The following SOX5 variants were observed in gnomAD, a reference collection of about 807,000 sequenced individuals.
SOX5 encodes SRY-box transcription factor 5.
A neutral mutation model predicts 92.0 loss-of-function variants in SOX5; 9 were observed. The observed-to-expected ratio is 0.10, with a 90% confidence interval of 0.06 to 0.17. The LOEUF (loss-of-function observed/expected upper bound fraction) is 0.17. SOX5 is among the 10% of genes least tolerant of loss of function. The probability of loss-of-function intolerance (pLI) is 1.00; values close to 1 mark genes in which losing one functional copy is unlikely to be tolerated. For synonymous variants in SOX5, 344 were observed against 336.3 expected, an observed-to-expected ratio of 1.02 and a Z score of -0.25; for missense variants, 642 against 944.5, an observed-to-expected ratio of 0.68 and a Z score of 4.20.
chr12:24,114,438 G>T (rs915706720), intron 4 of SOX5, among the ~76,000 whole-genome samples: 2 of 151,332 alleles, frequency 1.3e-5, no homozygotes, highest in African/African-American at 4.9e-5. Flanking sequence ...TTAGCTGAGT[G>T]TGATGGTGTG....
intron 4 of SOX5, among the ~76,000 whole-genome samples, chr12:24,058,521 C>G (rs967921963): frequency 1.3e-5 from 2 of 152,090 alleles, no homozygotes; most frequent in Non-Finnish European, 2.9e-5. Flanking sequence ...CAACAGGACA[C>G]AGTAAATTTT....
At chr12:23,574,574 A>T (rs1948839204) in intron 10 of SOX5, among the ~76,000 whole-genome samples, 1 of 152,122 alleles carries the variant, frequency 6.6e-6, no homozygotes, top group African/African-American at 2.4e-5. Flanking sequence ...CTCCTTTATC[A>T]TTGTTTATTT....
rs115524721 is a variant in SOX5 at position 24,082,780 on chromosome 12, C to T, written c.-2+130563G>A. Among the ~76,000 whole-genome samples, 1,152 of 151,560 alleles carry T rather than the reference C, an allele frequency of 7.6e-3. 20 individuals are homozygous for T. Among genetic ancestry groups the T allele is most frequent in the African/African-American group, 0.026 (1,083 of 41,366 alleles). On this transcript the variant is annotated intron_variant, in intron 4 of 4. Transcript: ENST00000446891. Reference sequence around the variant, plus strand: ...GTTTTTTCTTCTCTTTAATTCAGGTCATAGTTATCTTTGCTGTTGAGATTT... The same window carrying T: ...GTTTTTTCTTCTCTTTAATTCAGGTTATAGTTATCTTTGCTGTTGAGATTT...
At chr12:23,680,947 A>C (rs1010899563) in intron 6 of SOX5, among the ~76,000 whole-genome samples, 5 of 152,186 alleles carry the variant, frequency 3.3e-5, no homozygotes, top group African/African-American at 1.2e-4. Flanking sequence ...TTCACTAAAG[A>C]AATTTCTAAA....
At chr12:24,124,521 A>T (rs1455076648) in intron 4 of SOX5, among the ~76,000 whole-genome samples, 1 of 150,886 alleles carries the variant, frequency 6.6e-6, no homozygotes, top group Non-Finnish European at 1.5e-5. Flanking sequence ...ATTACCTTCC[A>T]TTATGCAAAT....
rs1487238292 is a variant in SOX5 at position 23,596,707 on chromosome 12, A to C, written c.1164+7680T>G. 2.6e-5 allele frequency among the ~76,000 whole-genome samples: 4 copies of C among 152,160 alleles called. No individual in the cohort carries two copies. The East Asian group carries it at 7.7e-4, about 29-fold the overall frequency. On this transcript the variant is annotated intron_variant, in intron 9 of 14. Coordinates refer to ENST00000451604, the MANE Select transcript of SOX5 (RefSeq NM_006940.6). ...GTCAAAATTATAAATGATTCCCCCC[A>C]AAAAAGAGTAACTACAGAAACGTAC...
chr12:23,960,202 A>G (rs1946733662), intron 4 of SOX5, among the ~76,000 whole-genome samples: 1 of 152,026 alleles, frequency 6.6e-6, no homozygotes. Context: ...CAGAGCCCAC[A>G]TATGTTTACA....
chr12:24,431,828 T>C (rs766203145), intron 1 of SOX5, among the ~76,000 whole-genome samples: 7 of 152,190 alleles, frequency 4.6e-5, no homozygotes, highest in Non-Finnish European at 1.0e-4. Flanking sequence ...AATTAAGGTA[T>C]CTTGGTAGTT....
At chr12:23,672,635 C>CT (rs1351618355) in intron 6 of SOX5, among the ~76,000 whole-genome samples, 1 of 151,986 alleles carries the variant, frequency 6.6e-6, no homozygotes, top group Non-Finnish European at 1.5e-5. Flanking sequence ...TTCAGGGCAA[C>CT]TGTCATTTCT....
intron 4 of SOX5, among the ~76,000 whole-genome samples, chr12:23,993,734 A>G (rs908595228): frequency 2.0e-5 from 3 of 152,172 alleles, no homozygotes; most frequent in African/African-American, 7.2e-5. Flanking sequence ...ATATGAAAAA[A>G]TGTTTCTGGC....
At chr12:24,151,908 G>C (rs1951696611) in intron 4 of SOX5, among the ~76,000 whole-genome samples, 1 of 151,990 alleles carries the variant, frequency 6.6e-6, no homozygotes, top group Admixed American at 6.6e-5. Context: ...TATTTCTCAA[G>C]ACCATATAAA....
intron 1 of SOX5, among the ~76,000 whole-genome samples, chr12:23,943,221 T>G (rs1445749294): frequency 6.6e-6 from 1 of 151,906 alleles, no homozygotes; most frequent in Non-Finnish European, 1.5e-5. Flanking sequence ...ATACCCACTT[T>G]GAATTCCTGG....
At chr12:24,096,153 A>G (rs1945386292) in intron 4 of SOX5, among the ~76,000 whole-genome samples, 1 of 152,198 alleles carries the variant, frequency 6.6e-6, no homozygotes, top group Non-Finnish European at 1.5e-5. Context: ...GTTCTGGGGT[A>G]CATGTGCAGA....
At chr12:24,247,459 C>T (rs898452367) in intron 3 of SOX5, among the ~76,000 whole-genome samples, 1 of 151,894 alleles carries the variant, frequency 6.6e-6, no homozygotes, top group Non-Finnish European at 1.5e-5. Context: ...TGAGTTTATG[C>T]TAAGGCCCAG....
chr12:23,851,868 A>G (rs1568342966), intron 2 of SOX5, among the ~76,000 whole-genome samples: 2 of 152,116 alleles, frequency 1.3e-5, no homozygotes, highest in African/African-American at 2.4e-5. Context: ...TTAAGATTAT[A>G]TATTTTAGAT....
intron 2 of SOX5, among the ~76,000 whole-genome samples, chr12:23,870,462 ATTC>A (rs2096860735): frequency 6.6e-6 from 1 of 152,138 alleles, no homozygotes. Context: ...GGCCTTTCAA[ATTC>A]TTAACACATT....
chr12:24,057,123 C>T (rs1958209923), intron 4 of SOX5, among the ~76,000 whole-genome samples: 8 of 151,720 alleles, frequency 5.3e-5, no homozygotes, highest in Admixed American at 5.3e-4. Context: ...TTTTAATCTG[C>T]GTATCCTAGT....
At chr12:23,545,176 T>C (rs1942872737) in intron 12 of SOX5, among the ~76,000 whole-genome samples, 1 of 152,144 alleles carries the variant, frequency 6.6e-6, no homozygotes, top group Admixed American at 6.5e-5. Flanking sequence ...AGGCACAGAG[T>C]AAACAGTTGT....
intron 3 of SOX5, among the ~76,000 whole-genome samples, chr12:23,795,989 T>A (rs1367715935): frequency 6.6e-6 from 1 of 151,976 alleles, no homozygotes; most frequent in African/African-American, 2.4e-5. Flanking sequence ...AATTTAAGAG[T>A]CTGAAACCTG....
Sources: allele counts gnomAD v4.1 joint callset (sites outside exome capture counted in the v4.1 genomes callset), GRCh38; gene constraint gnomAD v4.1.1; transcripts MANE v1.5; gene names NCBI Gene and HGNC (gene_info 2026-07-23, HGNC 2026-07-21).